The following KIFAP3 variants were observed in gnomAD, a reference collection of about 807,000 sequenced individuals.
KIFAP3 encodes kinesin-associated protein 3.
A neutral mutation model predicts 106.5 loss-of-function variants in KIFAP3; 68 were observed. The ratio of observed to expected loss-of-function variants is 0.64; its 90% confidence interval spans 0.53 to 0.78. KIFAP3 has a LOEUF of 0.78. Ranked by LOEUF, KIFAP3 falls within the 30% of genes least tolerant of loss-of-function variation. The pLI is 0.00. For synonymous variants in KIFAP3, 320 were observed against 311.5 expected (o/e 1.03, Z -0.29); for missense variants, 780 against 941.8 (o/e 0.83, Z 2.25).
At position 170,061,596 on chromosome 1, in the gene KIFAP3, A is replaced by T. The variant is rs1281467002; in HGVS notation, c.33-6160T>A. Among the ~76,000 whole-genome samples, 22 of 152,264 alleles carry T rather than the reference A, an allele frequency of 1.4e-4. 1 individual carries two copies. The East Asian group carries it at 3.3e-3, about 23-fold the overall frequency. Reference sequence around the variant, plus strand: ...TAAACTAGTTCAACCATTGTGGAAGACAGTGTGGCGATTCCTCAAGGATCT... The same window carrying T: ...TAAACTAGTTCAACCATTGTGGAAGTCAGTGTGGCGATTCCTCAAGGATCT... On this transcript the variant is annotated intron_variant, in intron 1 of 19. Transcript: ENST00000361580.
intron 3 of KIFAP3, among the ~76,000 whole-genome samples, chr1:170,045,855 G>A (rs1033407727): frequency 2.6e-5 from 4 of 152,190 alleles, no homozygotes; most frequent in African/African-American, 7.2e-5. Context: ...AGCACTACAT[G>A]CTGACCATTT....
At chr1:170,052,444 A>G (rs941141241) in intron 2 of KIFAP3, among the ~76,000 whole-genome samples, 6 of 152,204 alleles carry the variant, frequency 3.9e-5, no homozygotes, top group African/African-American at 1.4e-4. Context: ...TATTTCTGAA[A>G]CTATTCCAAG....
At position 170,004,588 on chromosome 1, in the gene KIFAP3, G is replaced by C. The variant is rs1324553177; in HGVS notation, c.1183+11874C>G. On this transcript the variant is annotated intron_variant, in intron 10 of 19. Coordinates refer to ENST00000361580, the MANE Select transcript of KIFAP3 (RefSeq NM_014970.4). Reference sequence around the variant, plus strand: ...ACTATCTGATCTTTGACAAACCTGAGAAAAACAAGCAATGGGGAAAGGATT... The same window carrying C: ...ACTATCTGATCTTTGACAAACCTGACAAAAACAAGCAATGGGGAAAGGATT... Among the ~76,000 whole-genome samples the C allele has an allele frequency of 7.5e-3, 1,145 of 151,928 alleles. 13 individuals are homozygous for C. The highest frequency in any genetic ancestry group is 0.024 in the African/African-American group (980 of 41,350).
intron 8 of KIFAP3, among the ~76,000 whole-genome samples, chr1:170,026,173 T>C (rs1669091858): frequency 6.6e-6 from 1 of 152,136 alleles, no homozygotes; most frequent in Non-Finnish European, 1.5e-5. Context: ...AAGATTCTTT[T>C]CCAGAGCCTT....
intron 1 of KIFAP3, among the ~76,000 whole-genome samples, chr1:170,059,162 C>G (rs564511035): frequency 6.6e-6 from 1 of 152,090 alleles, no homozygotes; most frequent in African/African-American, 2.4e-5. Flanking sequence ...CAAGAAATAA[C>G]TAAGATCAGA....
intron 6 of KIFAP3, 46 bp downstream of exon 6, chr1:170,035,408 C>A: frequency 8.5e-7 from 1 of 1,170,522 alleles, no homozygotes; most frequent in African/African-American, 1.6e-5. Flanking sequence ...AGACAAAGAG[C>A]AATAGAGATA....
chr1:170,046,959 T>C (rs761792803), intron 2 of KIFAP3, 93 bp from the exon 3 acceptor site: 5 of 692,412 alleles, frequency 7.2e-6, no homozygotes, highest in Non-Finnish European at 1.0e-5. Flanking sequence ...TATAAATTAT[T>C]ATAGAGAACC....
chr1:169,949,228 A>G (rs570939590), intron 19 of KIFAP3, among the ~76,000 whole-genome samples: 53 of 152,110 alleles, frequency 3.5e-4, no homozygotes, highest in African/African-American at 1.3e-3. Context: ...ATATTAAAGT[A>G]CTCTAAGAAA....
intron 8 of KIFAP3, 44 bp downstream of exon 8, chr1:170,031,842 G>A (rs771488313): frequency 1.7e-6 from 2 of 1,182,702 alleles, no homozygotes; most frequent in Non-Finnish European, 2.5e-6. Context: ...AATGTATTTG[G>A]AGTAAGTACT....
At chr1:170,001,504 CAT>C (rs1667667765) in intron 10 of KIFAP3, among the ~76,000 whole-genome samples, 1 of 152,164 alleles carries the variant, frequency 6.6e-6, no homozygotes, top group African/African-American at 2.4e-5. Context: ...GACGGCGAGA[CAT>C]GTGCTTTCTG....
chr1:170,004,870 A>G lies in KIFAP3; in HGVS notation c.1183+11592T>C, dbSNP rs1224349800. 3.3e-5 allele frequency among the ~76,000 whole-genome samples: 5 copies of G among 151,744 alleles called. No homozygotes were observed. In the East Asian group the frequency reaches 9.7e-4, roughly 29 times the overall value. ...AAATTGACAAATGGGATCTAATTAA[A>G]CTAAAGAACTTCTGCACAGCAAAAG... is the stretch of plus-strand genomic sequence containing the variant. On this transcript the variant is annotated intron_variant, in intron 10 of 19. Coordinates refer to ENST00000361580, the MANE Select transcript of KIFAP3 (RefSeq NM_014970.4).
At chr1:170,044,089 T>C (rs1670120709) in intron 3 of KIFAP3, among the ~76,000 whole-genome samples, 1 of 152,150 alleles carries the variant, frequency 6.6e-6, no homozygotes, top group Admixed American at 6.5e-5. Context: ...GGTAAAATGG[T>C]CTGGGAGTGA....
upstream of KIFAP3, among the ~76,000 whole-genome samples, chr1:170,076,944 C>A (rs1056450685): frequency 3.3e-5 from 5 of 152,316 alleles, no homozygotes; most frequent in Admixed American, 2.6e-4. Flanking sequence ...GTGAACCCAG[C>A]TGGACTTCTG....
intron 11 of KIFAP3, among the ~76,000 whole-genome samples, chr1:169,989,582 T>C (rs573508189): frequency 6.6e-6 from 1 of 152,180 alleles, no homozygotes; most frequent in South Asian, 2.1e-4. Context: ...ATTGAAAACT[T>C]GTTTGACAAA....
At chr1:169,995,389 A>C (rs1571626310) in intron 10 of KIFAP3, among the ~76,000 whole-genome samples, 1 of 152,064 alleles carries the variant, frequency 6.6e-6, no homozygotes, top group East Asian at 1.9e-4. Flanking sequence ...GCAAACTCAT[A>C]TTCTGAAGGA....
intron 17 of KIFAP3, among the ~76,000 whole-genome samples, chr1:169,971,011 T>A (rs1246226438): frequency 6.6e-6 from 1 of 152,012 alleles, no homozygotes; most frequent in Non-Finnish European, 1.5e-5. Flanking sequence ...AGTTTAGAAA[T>A]TATTTGAAAT....
At chr1:170,020,988 A>G (rs77930563) in intron 9 of KIFAP3, among the ~76,000 whole-genome samples, 2,081 of 152,266 alleles carry the variant, frequency 0.014, 69 homozygotes, top group East Asian at 0.12. Flanking sequence ...TTTTTTTTAT[A>G]TGCTGACTTC....
intron 11 of KIFAP3, among the ~76,000 whole-genome samples, chr1:169,989,466 C>T (rs187894944): frequency 1.1e-4 from 16 of 151,994 alleles, no homozygotes; most frequent in African/African-American, 3.1e-4. Flanking sequence ...TAAATGGAAT[C>T]GGAAAAGGAA....
intron 4 of KIFAP3, 150 bp from the exon 5 acceptor site, chr1:170,038,581 T>C (rs1669809633): frequency 5.9e-6 from 4 of 682,292 alleles, no homozygotes. Flanking sequence ...ATATGGAAAT[T>C]TTAGACCTTT....
Sources: gnomAD v4.1 joint callset for allele counts (sites outside exome capture counted in the v4.1 genomes callset) on GRCh38, gnomAD v4.1.1 for gene constraint, MANE v1.5 for transcripts, NCBI Gene and HGNC (gene_info 2026-07-23, HGNC 2026-07-21) for gene names.